The following SORBS2 variants were observed in gnomAD, a reference collection of about 807,000 sequenced individuals.
The protein encoded by SORBS2 is sorbin and SH3 domain-containing protein 2.
Under a neutral mutation model 97.7 loss-of-function variants are expected in SORBS2, and 46 were observed. That is an observed-to-expected ratio of 0.47 (90% confidence interval 0.37 to 0.60). SORBS2 has a LOEUF of 0.60. SORBS2 is among the 20% of genes least tolerant of loss of function. The probability of loss-of-function intolerance (pLI) is 0.00; values close to 1 mark genes in which losing one functional copy is unlikely to be tolerated. For missense variants in SORBS2, 1,316 were observed against 1,282.3 expected, an observed-to-expected ratio of 1.03 and a Z score of -0.40; for synonymous variants, 476 against 473.4, an observed-to-expected ratio of 1.01 and a Z score of -0.07.
At chr4:185,598,836 C>A (rs573486352) in intron 12 of SORBS2, among the ~76,000 whole-genome samples, 3 of 151,676 alleles carry the variant, frequency 2.0e-5, no homozygotes, top group Non-Finnish European at 4.4e-5. Context: ...CACAAACACA[C>A]GTGTAATCTG....
At chr4:185,669,620 T>A (rs1388713694) in intron 4 of SORBS2, among the ~76,000 whole-genome samples, 1 of 151,976 alleles carries the variant, frequency 6.6e-6, no homozygotes, top group South Asian at 2.1e-4. Context: ...GACAAAAAAC[T>A]CAGTAATTGA....
intron 2 of SORBS2, among the ~76,000 whole-genome samples, chr4:185,737,760 T>G (rs1231378784): frequency 6.6e-6 from 1 of 152,216 alleles, no homozygotes; most frequent in Non-Finnish European, 1.5e-5. Context: ...AGTCAGGGTC[T>G]GTCCACCGTC....
intron 1 of SORBS2, among the ~76,000 whole-genome samples, chr4:185,910,335 T>TG (rs2099254237): frequency 6.6e-6 from 1 of 152,180 alleles, no homozygotes; most frequent in African/African-American, 2.4e-5. Flanking sequence ...TGAAAAGAAA[T>TG]GCTGATTTTG....
chr4:185,766,400 A>C (rs12715855), intron 2 of SORBS2, among the ~76,000 whole-genome samples: 117,041 of 152,088 alleles, frequency 0.77, 45,446 homozygotes, highest in African/African-American at 0.85. Flanking sequence ...GGTCTTCAAC[A>C]GTTTTTGTTT....
At chr4:185,735,404 A>G (rs1394998795) in intron 2 of SORBS2, among the ~76,000 whole-genome samples, 5 of 148,596 alleles carry the variant, frequency 3.4e-5, no homozygotes, top group Non-Finnish European at 7.4e-5. Flanking sequence ...TTCTTGGCAG[A>G]ATATTATTTG....
intron 1 of SORBS2, among the ~76,000 whole-genome samples, chr4:185,831,220 C>G (rs576715050): frequency 6.6e-6 from 1 of 152,312 alleles, no homozygotes; most frequent in East Asian, 1.9e-4. Context: ...TTGGGCTCTT[C>G]TCTTCTTTCC....
At chr4:185,608,532 G>A (rs1290504879) in intron 12 of SORBS2, among the ~76,000 whole-genome samples, 1 of 152,076 alleles carries the variant, frequency 6.6e-6, no homozygotes, top group Non-Finnish European at 1.5e-5. Context: ...TACATACGTA[G>A]TATTACTGAT....
At chr4:185,687,375 T>A (rs2097987445) in intron 2 of SORBS2, among the ~76,000 whole-genome samples, 2 of 152,144 alleles carry the variant, frequency 1.3e-5, no homozygotes. Flanking sequence ...TCATGTACAA[T>A]CGAATTCTAA....
intron 4 of SORBS2, among the ~76,000 whole-genome samples, chr4:185,633,062 T>C (rs1268117468): frequency 6.6e-6 from 1 of 152,218 alleles, no homozygotes; most frequent in African/African-American, 2.4e-5. Flanking sequence ...TTTAACACAC[T>C]TAGAAGGTCA....
exon 4 of SORBS2, chr4:185,678,450 G>A: frequency 6.4e-7 from 1 of 1,550,766 alleles, no homozygotes; most frequent in Non-Finnish European, 8.7e-7. Flanking sequence ...TATCTTGTAG[G>A]TTTGGTCGAA....
chr4:185,951,902 T>A (rs1228368661), intron 1 of SORBS2, among the ~76,000 whole-genome samples: 1 of 152,178 alleles, frequency 6.6e-6, no homozygotes, highest in East Asian at 1.9e-4. Context: ...AGCCAGGCAA[T>A]CATAAATTAG....
At chr4:185,826,467 T>A (rs2099199867) in intron 1 of SORBS2, among the ~76,000 whole-genome samples, 1 of 152,216 alleles carries the variant, frequency 6.6e-6, no homozygotes, top group South Asian at 2.1e-4. Context: ...CTTTGCCCTG[T>A]GCATTATTCA....
chr4:185,797,876 C>T (rs1289585712), intron 1 of SORBS2, among the ~76,000 whole-genome samples: 20 of 152,208 alleles, frequency 1.3e-4, no homozygotes, highest in Non-Finnish European at 1.3e-4. Context: ...AATGCTTTCT[C>T]CATCTAATGC....
At position 185,620,055 on chromosome 4, in the gene SORBS2, TTAAC is replaced by T; in HGVS notation, c.2304+4_2304+7del. 6.4e-7 allele frequency: 1 copy of T among 1,566,850 alleles called. No individual in the cohort carries two copies. The highest frequency in any genetic ancestry group is 8.8e-7 in the Non-Finnish European group (1 of 1,136,740). ...TGTGAAAGACTCCAATGCTATTAAA[TTAAC>T]TACCTCTTTTTCTGGAGTTCCTCTT... On this transcript the variant is annotated splice_donor_5th_base_variant and intron_variant, in intron 8 of 14. Coordinates refer to ENST00000418609, the Ensembl canonical transcript of SORBS2.
In SORBS2 at chr4:185,623,431, C is replaced by T. The variant is rs182595225; in HGVS notation, c.1698G>A (p.Pro566=). The T allele has an allele frequency of 1.2e-5, 20 of 1,611,236 alleles. No individual in the cohort carries two copies. Among genetic ancestry groups the T allele is most frequent in the Non-Finnish European group, 1.4e-5 (17 of 1,179,970 alleles). ...TTGTGGTAAATCGAGTGTAGGAGGC[C>T]GGGCACCTGCCTTTGCAGGAGCTGA... Residue 566 remains proline, a synonymous_variant, in exon 7 of 15, where the codon CCG becomes CCA. Coordinates refer to ENST00000418609, the Ensembl canonical transcript of SORBS2. This position sits in a 1 kb window ranked among gnomAD's most constrained non-coding sequence, Gnocchi z 6.4.
upstream of SORBS2, among the ~76,000 whole-genome samples, chr4:185,660,864 A>G (rs1454336201): frequency 6.6e-6 from 1 of 152,162 alleles, no homozygotes; most frequent in African/African-American, 2.4e-5. Flanking sequence ...CTGCTGTCCT[A>G]GAAGCTTCCT....
intron 1 of SORBS2, among the ~76,000 whole-genome samples, chr4:185,786,615 T>G (rs1026170643): frequency 6.6e-6 from 1 of 152,224 alleles, no homozygotes; most frequent in Non-Finnish European, 1.5e-5. Flanking sequence ...TGGCAAGCCA[T>G]GTCACTTTAG....
intron 1 of SORBS2, among the ~76,000 whole-genome samples, chr4:185,930,050 A>G (rs2099265695): frequency 6.6e-6 from 1 of 152,190 alleles, no homozygotes; most frequent in South Asian, 2.1e-4. Flanking sequence ...CATGCATGGC[A>G]CACACGAGGG....
At chr4:185,675,816 G>A (rs906561982) in intron 4 of SORBS2, among the ~76,000 whole-genome samples, 1 of 152,076 alleles carries the variant, frequency 6.6e-6, no homozygotes, top group Non-Finnish European at 1.5e-5. Context: ...AACGAATTTT[G>A]CACATCTTGA....
Sources: allele counts gnomAD v4.1 joint callset (sites outside exome capture counted in the v4.1 genomes callset), GRCh38; gene constraint gnomAD v4.1.1; non-coding constraint Gnocchi (gnomAD v3.1); transcripts MANE v1.5; gene names NCBI Gene and HGNC (gene_info 2026-07-23, HGNC 2026-07-21).